The following ABLIM1 variants were observed in gnomAD, a reference collection of about 807,000 sequenced individuals.
The protein encoded by ABLIM1 is actin binding LIM protein 1.
ABLIM1 carries 40 observed loss-of-function variants against 107.0 expected under a neutral mutation model. The observed-to-expected ratio is 0.37, with a 90% CI of 0.29 to 0.49. ABLIM1 has a LOEUF of 0.49. Ranked by LOEUF, ABLIM1 falls within the 20% of genes least tolerant of loss-of-function variation. The pLI, the probability that ABLIM1 is intolerant of heterozygous loss-of-function variation, is 0.97. For missense variants in ABLIM1, 857 were observed against 1,008.5 expected (o/e 0.85, Z 2.04); for synonymous variants, 357 against 357.3 (o/e 1.00, Z 0.01).
chr10:114,665,960 T>A (rs1398158290), intron 1 of ABLIM1, among the ~76,000 whole-genome samples: 1 of 152,184 alleles, frequency 6.6e-6, no homozygotes, highest in Non-Finnish European at 1.5e-5. Context: ...TTATAGAAGG[T>A]TTTAGAATAC....
At chr10:114,613,311 T>G (rs1439033696) in intron 1 of ABLIM1, among the ~76,000 whole-genome samples, 1 of 152,194 alleles carries the variant, frequency 6.6e-6, no homozygotes, top group East Asian at 1.9e-4. Flanking sequence ...GATTCACCCC[T>G]GCAGTGGGGA....
intron 1 of ABLIM1, among the ~76,000 whole-genome samples, chr10:114,653,866 G>A (rs2079369337): frequency 6.6e-6 from 1 of 152,180 alleles, no homozygotes; most frequent in Non-Finnish European, 1.5e-5. Flanking sequence ...GTTGTTAAGT[G>A]GGGGAAAACA....
At chr10:114,559,463 G>GAAAAAAAAA (rs1565932452) in intron 4 of ABLIM1, among the ~76,000 whole-genome samples, 12 of 38,144 alleles carry the variant, frequency 3.1e-4, no homozygotes, top group African/African-American at 1.2e-3. Flanking sequence ...AAAAAAAAAA[G>GAAAAAAAAA]AAAGAAAGAA....
Position 114,583,468 on chromosome 10 carries a change from CATATATATATATATAT to C in ABLIM1, c.380-7885_380-7870del, listed in dbSNP as rs140129654. On this transcript the variant is annotated intron_variant, in intron 2 of 22. Transcript: ENST00000533213. ...ACACACACACACACACACACACACA[CATATATATATATATAT>C]ATATATATATATATATATATATATA... is the stretch of plus-strand genomic sequence containing the variant. 8.8e-3 allele frequency among the ~76,000 whole-genome samples: 133 copies of C among 15,044 alleles called. 2 individuals carry two copies. Among genetic ancestry groups the C allele is most frequent in the Middle Eastern group, 0.042 (1 of 24 alleles). 9.9% of individuals were successfully genotyped at this position (15,044 alleles called of 152,430 possible).
chr10:114,550,674 G>C (rs186455674), intron 4 of ABLIM1, among the ~76,000 whole-genome samples: 561 of 152,190 alleles, frequency 3.7e-3, no homozygotes, highest in Middle Eastern at 0.02. Context: ...ACAGAGTAGT[G>C]TCACTACCCT....
upstream of ABLIM1, among the ~76,000 whole-genome samples, chr10:114,685,331 T>C (rs796803186): frequency 2.7e-4 from 41 of 152,218 alleles, no homozygotes; most frequent in African/African-American, 8.9e-4. Context: ...GGTAAAACAT[T>C]TAATTCCTCC....
intron 1 of ABLIM1, among the ~76,000 whole-genome samples, chr10:114,727,724 G>T (rs1319030372): frequency 6.6e-6 from 1 of 152,186 alleles, no homozygotes; most frequent in Non-Finnish European, 1.5e-5. Flanking sequence ...GGAGGCCAAG[G>T]TGGGCAGATC....
chr10:114,795,219 C>T, the ABLIM1 span, among the ~76,000 whole-genome samples: 20 of 152,262 alleles, frequency 1.3e-4, no homozygotes, highest in South Asian at 4.1e-3. Flanking sequence ...ATAGAAGACA[C>T]AAAGTGCCTT....
chr10:114,591,956 T>G (rs1357265743), intron 2 of ABLIM1, among the ~76,000 whole-genome samples: 1 of 152,188 alleles, frequency 6.6e-6, no homozygotes, highest in Non-Finnish European at 1.5e-5. Context: ...ATTGGGGATA[T>G]TCAACCCATA....
upstream of ABLIM1, among the ~76,000 whole-genome samples, chr10:114,659,648 G>A (rs2079699065): frequency 6.6e-6 from 1 of 152,156 alleles, no homozygotes; most frequent in South Asian, 2.1e-4. Flanking sequence ...ACAATGTGCA[G>A]GTACATATGC....
At chr10:114,464,442 T>TC (rs760273012) in intron 12 of ABLIM1, among the ~76,000 whole-genome samples, 83 of 152,092 alleles carry the variant, frequency 5.5e-4, no homozygotes, top group Non-Finnish European at 1.1e-3. Context: ...TGCCTCAGCC[T>TC]CCTAAAGTGC....
intron 1 of ABLIM1, among the ~76,000 whole-genome samples, chr10:114,740,583 T>G (rs1473102847): frequency 6.6e-6 from 1 of 152,032 alleles, no homozygotes; most frequent in African/African-American, 2.4e-5. Flanking sequence ...GCCTAAAATT[T>G]AAATTTACAG....
intron 1 of ABLIM1, among the ~76,000 whole-genome samples, chr10:114,697,422 A>T (rs112625633): frequency 6.6e-6 from 1 of 152,368 alleles, no homozygotes; most frequent in Non-Finnish European, 1.5e-5. Flanking sequence ...TTTTCGAAGC[A>T]GCTGATCTGC....
chr10:114,681,057 G>A (rs1591815145), intron 1 of ABLIM1, among the ~76,000 whole-genome samples: 1 of 152,070 alleles, frequency 6.6e-6, no homozygotes, highest in Non-Finnish European at 1.5e-5. Context: ...ATGTGGGTGG[G>A]GCCAAGAGCC....
At chr10:114,583,879 A>C (rs1439761029) in intron 2 of ABLIM1, among the ~76,000 whole-genome samples, 1 of 152,084 alleles carries the variant, frequency 6.6e-6, no homozygotes, top group East Asian at 1.9e-4. Context: ...AGAAAACCAA[A>C]TACTGCATGT....
At chr10:114,669,031 C>G (rs2080142204) in intron 1 of ABLIM1, among the ~76,000 whole-genome samples, 1 of 152,218 alleles carries the variant, frequency 6.6e-6, no homozygotes, top group Non-Finnish European at 1.5e-5. Context: ...ACTGCTTTCC[C>G]AAACATTTAT....
At chr10:114,622,541 C>A (rs2077537143) in intron 1 of ABLIM1, among the ~76,000 whole-genome samples, 1 of 152,158 alleles carries the variant, frequency 6.6e-6, no homozygotes, top group Non-Finnish European at 1.5e-5. Context: ...GCCACTGTGC[C>A]TGACCCACTT....
At chr10:114,592,530 T>C (rs569281667) in intron 2 of ABLIM1, among the ~76,000 whole-genome samples, 7 of 152,208 alleles carry the variant, frequency 4.6e-5, no homozygotes, top group African/African-American at 1.7e-4. Flanking sequence ...GGATCTGACC[T>C]TTTTCTAAGG....
chr10:114,450,140 C>G (rs925969687), intron 14 of ABLIM1: 1 of 375,106 alleles, frequency 2.7e-6, no homozygotes, highest in Non-Finnish European at 5.4e-6. Context: ...ACAGTACTTA[C>G]GCATTAGAAT....
Sources: allele counts gnomAD v4.1 joint callset (sites outside exome capture counted in the v4.1 genomes callset), GRCh38; gene constraint gnomAD v4.1.1; transcripts MANE v1.5; gene names NCBI Gene and HGNC (gene_info 2026-07-23, HGNC 2026-07-21).